Variants in LINGO2 observed in about 807,000 individuals in gnomAD.
LINGO2 encodes leucine rich repeat and Ig domain containing 2.
A neutral mutation model predicts 30.6 loss-of-function variants in LINGO2; 14 were observed. That is an observed-to-expected ratio of 0.46 (90% confidence interval 0.30 to 0.72). The LOEUF (loss-of-function observed/expected upper bound fraction) is 0.72, where lower values mean the gene tolerates loss of function less well. Ranked by LOEUF, LINGO2 falls within the 30% of genes least tolerant of loss-of-function variation. The pLI, the probability that LINGO2 is intolerant of heterozygous loss-of-function variation, is 0.07. For missense variants in LINGO2, 729 were observed against 751.7 expected, an observed-to-expected ratio of 0.97 and a Z score of 0.35; for synonymous variants, 317 against 288.5, an observed-to-expected ratio of 1.10 and a Z score of -1.00.
At chr9:27,942,369 A>C in the LINGO2 span, 1 of 152,186 alleles carries the variant, frequency 6.6e-6, no homozygotes, top group Admixed American at 6.5e-5. Flanking sequence ...CGATTGTCTC[A>C]TATTGCATTT....
chr9:28,397,543 CTTTTTT>C (rs386414751), intron 2 of LINGO2, among the ~76,000 whole-genome samples: 3 of 110,002 alleles, frequency 2.7e-5, no homozygotes, highest in Non-Finnish European at 5.4e-5. Flanking sequence ...CAATAGATGT[CTTTTTT>C]TTTTTTTTTT....
At chr9:28,069,885 G>A (rs1825422006) in intron 4 of LINGO2, among the ~76,000 whole-genome samples, 1 of 152,194 alleles carries the variant, frequency 6.6e-6, no homozygotes, top group Non-Finnish European at 1.5e-5. Flanking sequence ...AAATAGCCAT[G>A]TGGAAAGTGA....
chr9:29,056,090 C>G, the LINGO2 span, among the ~76,000 whole-genome samples: 1 of 151,900 alleles, frequency 6.6e-6, no homozygotes, highest in Admixed American at 6.6e-5. Context: ...GTGCAAGTAT[C>G]TATTTCGTAT....
intron 3 of LINGO2, among the ~76,000 whole-genome samples, chr9:28,349,162 G>C (rs1034981250): frequency 6.6e-6 from 1 of 152,204 alleles, no homozygotes; most frequent in African/African-American, 2.4e-5. Flanking sequence ...TGACTTTGAC[G>C]AGCTGAGAGA....
At chr9:28,434,026 GGAACA>G (rs1823811001) in intron 2 of LINGO2, among the ~76,000 whole-genome samples, 1 of 147,872 alleles carries the variant, frequency 6.8e-6, no homozygotes, top group Admixed American at 6.8e-5. Flanking sequence ...TCCAAAAAAA[GGAACA>G]AAATAATGTC....
At chr9:27,975,495 T>A (rs1210640807) in intron 5 of LINGO2, among the ~76,000 whole-genome samples, 1 of 152,126 alleles carries the variant, frequency 6.6e-6, no homozygotes, top group African/African-American at 2.4e-5. Flanking sequence ...CACAATATGA[T>A]AACATGCTTA....
At chr9:28,583,037 A>G (rs1253594959) in intron 1 of LINGO2, among the ~76,000 whole-genome samples, 1 of 151,974 alleles carries the variant, frequency 6.6e-6, no homozygotes, top group Admixed American at 6.6e-5. Context: ...TAAATGAGGG[A>G]AAAATGCTTT....
intron 1 of LINGO2, among the ~76,000 whole-genome samples, chr9:28,489,896 C>CAAAAAAAAAA (rs36068240): frequency 1.0e-4 from 7 of 66,898 alleles, no homozygotes; most frequent in Admixed American, 1.9e-4. Flanking sequence ...GACTTTGTCT[C>CAAAAAAAAAA]AAAAAAAAAA....
rs182944947 is a variant in LINGO2, at chr9:28,108,560, A to G, written c.-86-96155T>C. Among the ~76,000 whole-genome samples, 60 of 152,184 alleles carry G rather than the reference A, an allele frequency of 3.9e-4. 1 individual carries two copies. The highest frequency in any genetic ancestry group is 1.5e-5 in the Non-Finnish European group (1 of 67,990). On this transcript the variant is annotated intron_variant, in intron 4 of 5. Transcript: ENST00000379992. ...GAGATAGGGAAGGGAAAGAAAAAAT[A>G]TATTCTCAGGAGTGTAACTTTCTGA...
At position 28,461,651 on chromosome 9, in the gene LINGO2, T is replaced by A. The variant is rs1046792815; in HGVS notation, c.-279+14289A>T. Among the ~76,000 whole-genome samples the A allele has an allele frequency of 3.3e-5, 5 of 152,272 alleles. 1 individual carries two copies. Among genetic ancestry groups the A allele is most frequent in the African/African-American group, 1.2e-4 (5 of 41,574 alleles). On this transcript the variant is annotated intron_variant, in intron 2 of 5. Transcript: ENST00000379992. The stretch of plus-strand genomic sequence containing the variant: ...CATCAGCTGATCTGACTTAGCACAG[T>A]CTGTGAATCAATGTCATTGTTGTTT...
At chr9:27,984,797 AT>A (rs886825490) in intron 5 of LINGO2, among the ~76,000 whole-genome samples, 3 of 151,892 alleles carry the variant, frequency 2.0e-5, no homozygotes, top group African/African-American at 7.2e-5. Flanking sequence ...TTCTAAAAAA[AT>A]CTTTATAACA....
the LINGO2 span, among the ~76,000 whole-genome samples, chr9:28,708,786 T>TATCTATCTATCTATCTATCTATCC: frequency 1.3e-5 from 2 of 151,984 alleles, no homozygotes; most frequent in African/African-American, 2.4e-5. Context: ...TCTATCTATC[T>TATCTATCTATCTATCTATCTATCC]ATCCATCTAT....
chr9:28,797,343 TATATATATATATATATAG>T, the LINGO2 span, among the ~76,000 whole-genome samples: 128 of 72,114 alleles, frequency 1.8e-3, 1 homozygote, highest in Non-Finnish European at 2.2e-3. Context: ...TATATATATA[TATATATATATATATATAG>T]AGAGAGAGAG....
At chr9:28,944,067 G>A in the LINGO2 span, among the ~76,000 whole-genome samples, 3 of 152,236 alleles carry the variant, frequency 2.0e-5, no homozygotes, top group East Asian at 5.8e-4. Flanking sequence ...AAGGAGTCCT[G>A]GACTGTTTCG....
At chr9:28,516,304 T>C (rs1017054918) in intron 1 of LINGO2, among the ~76,000 whole-genome samples, 2 of 152,208 alleles carry the variant, frequency 1.3e-5, no homozygotes, top group South Asian at 2.1e-4. Context: ...GGTAGGATCA[T>C]TTCAAAATGA....
intron 4 of LINGO2, among the ~76,000 whole-genome samples, chr9:28,154,107 T>A (rs1828069490): frequency 6.6e-6 from 1 of 152,138 alleles, no homozygotes; most frequent in South Asian, 2.1e-4. Flanking sequence ...ACCATCCCCA[T>A]AAAGCAGGTG....
the LINGO2 span, among the ~76,000 whole-genome samples, chr9:28,701,659 T>C: frequency 6.6e-6 from 1 of 151,938 alleles, no homozygotes; most frequent in South Asian, 2.1e-4. Flanking sequence ...TTAAAATCAA[T>C]TTTTTAATAT....
intron 3 of LINGO2, among the ~76,000 whole-genome samples, chr9:28,350,086 A>G (rs1462499042): frequency 6.6e-6 from 1 of 151,516 alleles, no homozygotes; most frequent in Non-Finnish European, 1.5e-5. Context: ...AAGAAACTGC[A>G]TCAACTAACG....
intron 4 of LINGO2, among the ~76,000 whole-genome samples, chr9:28,030,575 C>T (rs1055223902): frequency 6.6e-6 from 1 of 152,174 alleles, no homozygotes. Context: ...GTGTTGGCTA[C>T]TCAATGCTTT....
Sources: gnomAD v4.1 joint callset for allele counts (sites outside exome capture counted in the v4.1 genomes callset) on GRCh38, gnomAD v4.1.1 for gene constraint, MANE v1.5 for transcripts, NCBI Gene and HGNC (gene_info 2026-07-23, HGNC 2026-07-21) for gene names.